Variants in LPP observed in about 807,000 individuals in gnomAD.
The protein encoded by LPP is LIM domain containing preferred translocation partner in lipoma.
In LPP, 38 loss-of-function variants were observed where a neutral mutation model predicts 60.4. That is an observed-to-expected ratio of 0.63 (90% CI 0.49 to 0.83). LPP has a LOEUF of 0.83. LPP is among the 40% of genes least tolerant of loss of function. The pLI is 0.00. For synonymous variants in LPP, 328 were observed against 290.8 expected (o/e 1.13, Z -1.30); for missense variants, 902 against 783.6 (o/e 1.15, Z -1.80).
At chr3:188,640,425 G>A (rs13321884) in intron 7 of LPP, among the ~76,000 whole-genome samples, 18,958 of 146,392 alleles carry the variant, frequency 0.13, 1,248 homozygotes, top group South Asian at 0.16. Context: ...GCTAGATGAC[G>A]AGTTAGTGGG....
chr3:188,451,519 G>A lies in LPP; in HGVS notation c.194-33073G>A, dbSNP rs564143767. On this transcript the variant is annotated intron_variant, in intron 4 of 11. Transcript: ENST00000617246. The stretch of plus-strand genomic sequence containing the variant: ...ATTGTAGAAACTTTTCTAGGTACTT[G>A]GGAACAAAATTGTGAACAAAATAGA... Among the ~76,000 whole-genome samples the A allele has an allele frequency of 2.6e-5, 4 of 152,234 alleles. No individual in the cohort carries two copies. The East Asian group carries it at 7.7e-4, about 29-fold the overall frequency.
At chr3:188,158,218 T>TGGGTGG (rs1446073904) in intron 1 of LPP, among the ~76,000 whole-genome samples, 1 of 152,054 alleles carries the variant, frequency 6.6e-6, no homozygotes, top group Admixed American at 6.6e-5. Flanking sequence ...TGTTCATTGG[T>TGGGTGG]GGGTGGGACT....
chr3:188,495,082 A>ATATATATATATATATATATATATATTT (rs1342207321), intron 5 of LPP, among the ~76,000 whole-genome samples: 3 of 97,266 alleles, frequency 3.1e-5, no homozygotes, highest in African/African-American at 8.0e-5. Flanking sequence ...ATATATATAT[A>ATATATATATATATATATATATATATTT]TTTTATTTAT....
chr3:188,777,725 G>T (rs9859713), intron 9 of LPP, among the ~76,000 whole-genome samples: 30,974 of 152,112 alleles, frequency 0.2, 4,292 homozygotes, highest in East Asian at 0.64. Flanking sequence ...AATATTTGTT[G>T]ATGATGATAC....
chr3:188,830,306 TAAAA>T (rs1046076554), intron 9 of LPP, among the ~76,000 whole-genome samples: 1 of 135,218 alleles, frequency 7.4e-6, no homozygotes, highest in South Asian at 2.4e-4. Context: ...AAGCACTATT[TAAAA>T]AAAAAAAAAA....
At chr3:188,580,670 A>G (rs1835864556) in intron 6 of LPP, among the ~76,000 whole-genome samples, 2 of 152,168 alleles carry the variant, frequency 1.3e-5, no homozygotes, top group Non-Finnish European at 2.9e-5. Context: ...CCCCTTATGA[A>G]TGGTTTGTTT....
At chr3:188,654,648 A>G (rs547311174) in intron 7 of LPP, among the ~76,000 whole-genome samples, 1 of 152,290 alleles carries the variant, frequency 6.6e-6, no homozygotes, top group East Asian at 1.9e-4. Flanking sequence ...TGCATGCTTA[A>G]GCACTGCACT....
At chr3:188,312,150 C>T (rs1014768443) in intron 2 of LPP, among the ~76,000 whole-genome samples, 2 of 148,490 alleles carry the variant, frequency 1.3e-5, no homozygotes, top group African/African-American at 2.6e-5. Context: ...TACACACACA[C>T]ACAGAAACAC....
intron 9 of LPP, among the ~76,000 whole-genome samples, chr3:188,811,871 A>G (rs1006212007): frequency 2.0e-5 from 3 of 152,166 alleles, no homozygotes; most frequent in Non-Finnish European, 4.4e-5. Context: ...TAGTAGATGT[A>G]TATATTTATG....
chr3:188,358,390 TA>T, intron 3 of LPP, among the ~76,000 whole-genome samples: 1 of 152,282 alleles, frequency 6.6e-6, no homozygotes, highest in South Asian at 2.1e-4. Flanking sequence ...GTGAAAGGAT[TA>T]GGGAAGAAGT....
At chr3:188,718,427 A>G (rs768286372) in intron 8 of LPP, among the ~76,000 whole-genome samples, 2 of 152,204 alleles carry the variant, frequency 1.3e-5, no homozygotes, top group East Asian at 1.9e-4. Flanking sequence ...ATAAGAACAC[A>G]TTGTCCTTAA....
At chr3:188,432,098 C>T (rs1365132547) in intron 4 of LPP, among the ~76,000 whole-genome samples, 1 of 152,000 alleles carries the variant, frequency 6.6e-6, no homozygotes, top group Admixed American at 6.6e-5. Context: ...ATCTTCATAG[C>T]ATTATTTGAA....
chr3:188,227,971 G>C (rs1488587728), intron 2 of LPP, among the ~76,000 whole-genome samples: 1 of 152,218 alleles, frequency 6.6e-6, no homozygotes, highest in East Asian at 1.9e-4. Context: ...CCCCGCAAAG[G>C]AATATCTGGG....
At chr3:188,194,483 T>A (rs1452552002) in intron 1 of LPP, among the ~76,000 whole-genome samples, 2 of 152,166 alleles carry the variant, frequency 1.3e-5, no homozygotes, top group Non-Finnish European at 2.9e-5. Context: ...TCCTGCCCAA[T>A]CTGTTTACAT....
At chr3:188,197,690 C>T (rs954397306) in intron 1 of LPP, among the ~76,000 whole-genome samples, 13 of 152,138 alleles carry the variant, frequency 8.5e-5, no homozygotes, top group African/African-American at 2.4e-4. Context: ...AGTTTTGCCT[C>T]GGGGCTCCAG....
intron 7 of LPP, among the ~76,000 whole-genome samples, chr3:188,633,173 G>A (rs1204031494): frequency 6.6e-6 from 1 of 152,158 alleles, no homozygotes; most frequent in Non-Finnish European, 1.5e-5. Context: ...ACTGGGCTAT[G>A]AGTACTTGAG....
intron 9 of LPP, among the ~76,000 whole-genome samples, chr3:188,793,926 A>T (rs773944953): frequency 7.3e-5 from 11 of 151,560 alleles, no homozygotes; most frequent in Admixed American, 1.3e-4. Context: ...GTTTCCCTCC[A>T]GCCAGGACTG....
intron 2 of LPP, among the ~76,000 whole-genome samples, chr3:188,232,659 T>C (rs1444407391): frequency 1.3e-5 from 2 of 152,088 alleles, no homozygotes; most frequent in Non-Finnish European, 2.9e-5. Flanking sequence ...TGGCTAACTC[T>C]GCTTGTTATT....
At position 188,872,732 on chromosome 3, in the gene LPP, G is replaced by A. The variant is rs1768449025; in HGVS notation, c.1679G>A (p.Arg560Gln). The part of the protein sequence containing the change: ...EETVRIVALD[R>Q]DFHVHCYRCE... ...ACTGTCCGTATTGTGGCTTTGGATC[G>A]AGATTTCCATGTTCACTGCTACCGA... Residue 560 changes from arginine to glutamine, a missense_variant, in exon 11 of 12, where the codon CGA becomes CAA. Coordinates refer to ENST00000617246, the MANE Select transcript of LPP (RefSeq NM_001375462.1). 6 of 1,614,026 alleles carry A rather than the reference G, an allele frequency of 3.7e-6. No individual in the cohort carries two copies. Among genetic ancestry groups the A allele is most frequent in the Non-Finnish European group, 5.1e-6 (6 of 1,180,030 alleles).
Sources: allele counts gnomAD v4.1 joint callset (sites outside exome capture counted in the v4.1 genomes callset), GRCh38; gene constraint gnomAD v4.1.1; transcripts MANE v1.5; gene names NCBI Gene and HGNC (gene_info 2026-07-23, HGNC 2026-07-21).